RALGPS1: variants seen among roughly 807,000 people sequenced by gnomAD.
RALGPS1 encodes ras-specific guanine nucleotide-releasing factor RalGPS1.
RALGPS1 carries 19 observed loss-of-function variants against 78.8 expected under a neutral mutation model. That is an observed-to-expected ratio of 0.24 (90% CI 0.17 to 0.35). RALGPS1 has a LOEUF of 0.35. Among genes scored for constraint, RALGPS1 ranks in the 10% least tolerant of loss-of-function variants. RALGPS1 has a pLI of 1.00. For missense variants in RALGPS1, 454 were observed against 688.3 expected, an observed-to-expected ratio of 0.66 and a Z score of 3.81; for synonymous variants, 228 against 256.3, an observed-to-expected ratio of 0.89 and a Z score of 1.06.
chr9:127,148,236 C>T (rs879283721), intron 8 of RALGPS1, among the ~76,000 whole-genome samples: 10 of 152,236 alleles, frequency 6.6e-5, no homozygotes, highest in Admixed American at 1.3e-4. Context: ...GCCCAGACTG[C>T]GGCTGGCCTC....
intron 5 of RALGPS1, among the ~76,000 whole-genome samples, chr9:127,046,210 T>G (rs2047758120): frequency 6.6e-6 from 1 of 152,194 alleles, no homozygotes. Context: ...TCGACAAATC[T>G]CTCATGCAGA....
intron 4 of RALGPS1, among the ~76,000 whole-genome samples, chr9:127,031,365 C>T (rs1043889179): frequency 6.6e-6 from 1 of 152,226 alleles, no homozygotes; most frequent in African/African-American, 2.4e-5. Context: ...CGGTCAGGCC[C>T]AGTACTTGTT....
intron 4 of RALGPS1, among the ~76,000 whole-genome samples, chr9:126,984,658 A>G (rs959026867): frequency 1.3e-5 from 2 of 152,094 alleles, no homozygotes; most frequent in Non-Finnish European, 2.9e-5. Context: ...ATTCTTTTTG[A>G]TATACAAATT....
At position 127,212,682 on chromosome 9, in the gene RALGPS1, A is replaced by G; in HGVS notation, c.1409A>G (p.Tyr470Cys). The change falls in exon 16 of 19, where the codon TAC becomes TGC. Residue 470 changes from tyrosine to cysteine, a missense_variant. Coordinates refer to ENST00000259351, the MANE Select transcript of RALGPS1 (RefSeq NM_014636.3). This position sits in a 1 kb window ranked among gnomAD's most constrained non-coding sequence, Gnocchi z 6.0. The part of the protein sequence containing the change: ...VILSGSTLLY[Y>C]GAKSLRGTDR... The stretch of plus-strand genomic sequence containing the variant: ...CTCTCAGGATCCACCCTCCTGTACT[A>G]CGGAGCCAAGTCCTTGCGGGGCACA... 1.9e-6 allele frequency: 3 copies of G among 1,613,672 alleles called. No individual in the cohort carries two copies. Among genetic ancestry groups the G allele is most frequent in the Non-Finnish European group, 8.5e-7 (1 of 1,179,678 alleles).
chr9:126,952,219 T>C (rs1482386514), intron 1 of RALGPS1, among the ~76,000 whole-genome samples: 1 of 152,192 alleles, frequency 6.6e-6, no homozygotes, highest in African/African-American at 2.4e-5. Context: ...CTGACTTCTC[T>C]CCTCCATGGA....
intron 8 of RALGPS1, among the ~76,000 whole-genome samples, chr9:127,072,259 C>T (rs2050271868): frequency 1.3e-5 from 2 of 152,202 alleles, no homozygotes; most frequent in South Asian, 4.1e-4. Flanking sequence ...TTTGCCCAGG[C>T]TGGAGTGCAG....
intron 4 of RALGPS1, among the ~76,000 whole-genome samples, chr9:127,012,617 T>C (rs1030415609): frequency 2.0e-5 from 3 of 152,214 alleles, no homozygotes; most frequent in African/African-American, 7.2e-5. Flanking sequence ...CTGTCTCAGC[T>C]GCACATGTGC....
chr9:126,963,691 T>C (rs1378659457), intron 2 of RALGPS1, among the ~76,000 whole-genome samples: 2 of 152,176 alleles, frequency 1.3e-5, no homozygotes, highest in Non-Finnish European at 2.9e-5. Context: ...ATTTTATCCC[T>C]AGTTTATAGA....
intron 4 of RALGPS1, 82 bp from the exon 5 acceptor site, chr9:127,034,349 T>C: frequency 3.2e-6 from 4 of 1,244,966 alleles, no homozygotes; most frequent in South Asian, 1.2e-5. Context: ...CCTTCATGCA[T>C]GCTCATGTTC....
In RALGPS1 at chr9:127,091,354, A is replaced by G. The variant is rs1418787836; in HGVS notation, c.610+21998A>G. Among the ~76,000 whole-genome samples, 2 of 152,240 alleles carry G rather than the reference A, an allele frequency of 1.3e-5. No homozygotes were observed. Among genetic ancestry groups the G allele is most frequent in the Non-Finnish European group, 2.9e-5 (2 of 68,046 alleles). ...CCAGGTGCCTGGGACAGAAGTGGTG[A>G]GGCCACAGCCCAACACATGTCTTTC... On this transcript the variant is annotated intron_variant, in intron 8 of 18. Coordinates refer to ENST00000259351, the MANE Select transcript of RALGPS1 (RefSeq NM_014636.3). This position sits in a 1 kb window ranked among gnomAD's most constrained non-coding sequence, Gnocchi z 4.3.
intron 17 of RALGPS1, among the ~76,000 whole-genome samples, chr9:127,214,391 T>G (rs999480522): frequency 2.0e-5 from 3 of 152,254 alleles, no homozygotes; most frequent in African/African-American, 4.8e-5. Flanking sequence ...CTGTTTTTAG[T>G]GCTTTAATAT....
At chr9:126,926,411 C>T (rs1048718623) in intron 1 of RALGPS1, among the ~76,000 whole-genome samples, 1 of 152,110 alleles carries the variant, frequency 6.6e-6, no homozygotes, top group Non-Finnish European at 1.5e-5. Flanking sequence ...TTCACTTTTC[C>T]AGGTGAAGCA....
chr9:127,119,468 G>A (rs2055815141), intron 8 of RALGPS1, among the ~76,000 whole-genome samples: 1 of 152,228 alleles, frequency 6.6e-6, no homozygotes, highest in African/African-American at 2.4e-5. Flanking sequence ...GGGCTTTGGA[G>A]CCAGACAGAG....
intron 8 of RALGPS1, among the ~76,000 whole-genome samples, chr9:127,085,654 T>C (rs2051638179): frequency 2.6e-5 from 4 of 152,188 alleles, no homozygotes; most frequent in African/African-American, 9.6e-5. Flanking sequence ...AAATAGCTGG[T>C]ATCATGACCT....
chr9:127,080,923 A>G (rs1322357903), intron 8 of RALGPS1, among the ~76,000 whole-genome samples: 1 of 152,210 alleles, frequency 6.6e-6, no homozygotes, highest in Admixed American at 6.5e-5. Flanking sequence ...TGAAATCTGG[A>G]ACATTTCTGG....
intron 4 of RALGPS1, 127 bp from the exon 5 acceptor site, chr9:127,034,304 A>C (rs2046674444): frequency 1.3e-6 from 1 of 788,020 alleles, no homozygotes; most frequent in Non-Finnish European, 2.2e-6. Flanking sequence ...CCACCTAGTA[A>C]AGATGGGAAC....
chr9:127,183,722 T>G lies in RALGPS1; in HGVS notation c.910+8940T>G. On this transcript the variant is annotated intron_variant, in intron 11 of 18. Transcript: ENST00000259351. The surrounding 1 kb of genome is among the most constrained non-coding windows in gnomAD (Gnocchi z 4.0). ...GCAAGCTGTAGGCCCTCTCTCCATG[T>G]GCTCCTCTCTCTGGAAACATACTCT... 1 of 694,674 alleles carries G rather than the reference T, an allele frequency of 1.4e-6. No individual in the cohort carries two copies. The highest frequency in any genetic ancestry group is 2.4e-6 in the Non-Finnish European group (1 of 423,792). The allele number at this position is 694,674 out of a possible 1,614,324, so 43.0% of individuals were successfully genotyped here. A position where few individuals can be genotyped will look rare whatever the true frequency, so the allele number is the denominator to read the frequency against.
intron 5 of RALGPS1, among the ~76,000 whole-genome samples, chr9:127,041,174 C>T (rs977614240): frequency 2.0e-5 from 3 of 152,002 alleles, no homozygotes; most frequent in Non-Finnish European, 4.4e-5. Flanking sequence ...TCACTGCAAC[C>T]TCCGCCTCCT....
intron 8 of RALGPS1, among the ~76,000 whole-genome samples, chr9:127,082,106 A>G (rs755841554): frequency 2.6e-5 from 4 of 152,210 alleles, no homozygotes; most frequent in Non-Finnish European, 4.4e-5. Flanking sequence ...GCCTGGAAGC[A>G]TGGATATGGG....
Sources: allele counts gnomAD v4.1 joint callset (sites outside exome capture counted in the v4.1 genomes callset), GRCh38; gene constraint gnomAD v4.1.1; non-coding constraint Gnocchi (gnomAD v3.1); transcripts MANE v1.5; gene names NCBI Gene and HGNC (gene_info 2026-07-23, HGNC 2026-07-21).